NCOA2: variants seen among roughly 807,000 people sequenced by gnomAD.
The protein encoded by NCOA2 is class E basic helix-loop-helix protein 75.
NCOA2 carries 21 observed loss-of-function variants against 145.1 expected under a neutral mutation model. That is an observed-to-expected ratio of 0.14 (90% CI 0.10 to 0.21). NCOA2 has a LOEUF of 0.21. Ranked by LOEUF, NCOA2 falls within the 10% of genes least tolerant of loss-of-function variation. The probability of loss-of-function intolerance (pLI) is 1.00; values close to 1 mark genes in which losing one functional copy is unlikely to be tolerated. For synonymous variants in NCOA2, 619 were observed against 637.5 expected, an observed-to-expected ratio of 0.97 and a Z score of 0.44; for missense variants, 1,472 against 1,837.6, an observed-to-expected ratio of 0.80 and a Z score of 3.64.
intron 4 of NCOA2, among the ~76,000 whole-genome samples, chr8:70,208,059 TG>T (rs1215711693): frequency 1.3e-5 from 2 of 151,812 alleles, no homozygotes; most frequent in Non-Finnish European, 2.9e-5. Flanking sequence ...GAGACCAGCC[TG>T]GGCCACCTAG....
At chr8:70,431,992 G>A in the NCOA2 span, among the ~76,000 whole-genome samples, 3 of 152,138 alleles carry the variant, frequency 2.0e-5, no homozygotes, top group Non-Finnish European at 4.4e-5. Context: ...TTATTTGAAC[G>A]GAATAGTAAA....
chr8:70,266,221 G>A (rs936213761), intron 2 of NCOA2, among the ~76,000 whole-genome samples: 4 of 152,184 alleles, frequency 2.6e-5, no homozygotes, highest in Non-Finnish European at 4.4e-5. Flanking sequence ...GGAGTACAGT[G>A]GCACGATCAC....
At chr8:70,444,632 A>G in the NCOA2 span, among the ~76,000 whole-genome samples, 2 of 152,244 alleles carry the variant, frequency 1.3e-5, no homozygotes, top group Non-Finnish European at 2.9e-5. Flanking sequence ...GGCAAAGGGT[A>G]TATGGGATCT....
chr8:70,267,392 GTTT>G (rs34028372), intron 2 of NCOA2, among the ~76,000 whole-genome samples: 1,563 of 102,524 alleles, frequency 0.015, 32 homozygotes, highest in African/African-American at 0.052. Flanking sequence ...TTTCCTTTCT[GTTT>G]TTTTTTTTTT....
chr8:70,405,163 G>T (rs1433811115), upstream of NCOA2, among the ~76,000 whole-genome samples: 1 of 152,160 alleles, frequency 6.6e-6, no homozygotes, highest in Non-Finnish European at 1.5e-5. Context: ...CCCAGTTCTG[G>T]TGAGCTCCAA....
At chr8:70,292,549 GAA>G (rs199760603) in intron 2 of NCOA2, among the ~76,000 whole-genome samples, 22 of 101,362 alleles carry the variant, frequency 2.2e-4, no homozygotes, top group South Asian at 2.7e-4. Context: ...TCCATCTCAG[GAA>G]AAAAAAAAAA....
At chr8:70,245,260 G>A (rs1216916415) in intron 2 of NCOA2, 1 of 152,050 alleles carries the variant, frequency 6.6e-6, no homozygotes, top group Non-Finnish European at 1.5e-5. Context: ...AACGATAGCT[G>A]ACAAACTAGC....
chr8:70,382,979 TAATA>T (rs1563829479), intron 1 of NCOA2, among the ~76,000 whole-genome samples: 1 of 152,246 alleles, frequency 6.6e-6, no homozygotes, highest in Non-Finnish European at 1.5e-5. Context: ...TTTGACTTAC[TAATA>T]AATGTTCCTA....
At chr8:70,412,216 G>A in the NCOA2 span, among the ~76,000 whole-genome samples, 2 of 152,070 alleles carry the variant, frequency 1.3e-5, no homozygotes, top group Non-Finnish European at 2.9e-5. Context: ...TCAAGCAGCA[G>A]TGAGCTATGA....
chr8:70,327,556 C>A (rs1449461507), intron 1 of NCOA2, among the ~76,000 whole-genome samples: 1 of 152,080 alleles, frequency 6.6e-6, no homozygotes, highest in African/African-American at 2.4e-5. Flanking sequence ...AATCAGAATA[C>A]CAACAGACAA....
At chr8:70,217,421 G>A (rs1331701474) in intron 2 of NCOA2, among the ~76,000 whole-genome samples, 1 of 152,056 alleles carries the variant, frequency 6.6e-6, no homozygotes, top group African/African-American at 2.4e-5. Flanking sequence ...CTCTCTCTGT[G>A]GCAGCTCGCC....
the NCOA2 span, among the ~76,000 whole-genome samples, chr8:70,410,755 T>C: frequency 6.6e-6 from 1 of 152,208 alleles, no homozygotes; most frequent in Non-Finnish European, 1.5e-5. Flanking sequence ...AAATATGCAA[T>C]AACATGAATG....
intron 1 of NCOA2, among the ~76,000 whole-genome samples, chr8:70,323,787 G>GA (rs879357840): frequency 1.1e-4 from 17 of 151,506 alleles, no homozygotes; most frequent in African/African-American, 2.4e-4. Context: ...TGGTTTTCTA[G>GA]AAAAAAAATA....
intron 4 of NCOA2, among the ~76,000 whole-genome samples, chr8:70,194,296 G>A (rs532261055): frequency 1.5e-4 from 23 of 152,140 alleles, no homozygotes; most frequent in Admixed American, 5.9e-4. Flanking sequence ...CACTGCATAC[G>A]GTCTTGTATA....
intron 2 of NCOA2, among the ~76,000 whole-genome samples, chr8:70,295,281 A>G (rs1432810485): frequency 1.3e-5 from 2 of 152,256 alleles, no homozygotes; most frequent in African/African-American, 2.4e-5. Context: ...GAAATAAGTT[A>G]CATTTTGTAT....
chr8:70,164,253 T>C (rs549457601), intron 7 of NCOA2, among the ~76,000 whole-genome samples: 2 of 152,208 alleles, frequency 1.3e-5, no homozygotes, highest in Non-Finnish European at 2.9e-5. Flanking sequence ...AACTGTCTTA[T>C]GCGTCAGGGT....
At chr8:70,412,706 C>G in the NCOA2 span, among the ~76,000 whole-genome samples, 1 of 146,894 alleles carries the variant, frequency 6.8e-6, no homozygotes, top group South Asian at 2.2e-4. Context: ...ATGTGAGAAT[C>G]ACATCTCATT....
At chr8:70,451,522 G>C in the NCOA2 span, among the ~76,000 whole-genome samples, 1 of 150,848 alleles carries the variant, frequency 6.6e-6, no homozygotes, top group Non-Finnish European at 1.5e-5. Flanking sequence ...CATTTATAAT[G>C]TGTGCGTTTC....
At chr8:70,198,584 A>C (rs1817581191) in intron 4 of NCOA2, among the ~76,000 whole-genome samples, 1 of 152,212 alleles carries the variant, frequency 6.6e-6, no homozygotes, top group African/African-American at 2.4e-5. Context: ...AGATGAGTTA[A>C]GGTGAGAAAA....
Sources: gnomAD v4.1 joint callset for allele counts (sites outside exome capture counted in the v4.1 genomes callset) on GRCh38, gnomAD v4.1.1 for gene constraint, MANE v1.5 for transcripts, NCBI Gene and HGNC (gene_info 2026-07-23, HGNC 2026-07-21) for gene names.